Variants in GPM6A observed in about 807,000 individuals in gnomAD.
GPM6A encodes the protein glycoprotein M6A.
Under a neutral mutation model 32.1 loss-of-function variants are expected in GPM6A, and 7 were observed. That is an observed-to-expected ratio of 0.22 (90% confidence interval 0.12 to 0.41). The LOEUF is 0.41. Among genes scored for constraint, GPM6A ranks in the 10% least tolerant of loss-of-function variants. The pLI is 1.00. For missense variants in GPM6A, 235 were observed against 347.2 expected (o/e 0.68, Z 2.57); for synonymous variants, 130 against 123.4 (o/e 1.05, Z -0.35).
At chr4:175,758,277 C>A (rs1732607979) in intron 1 of GPM6A, among the ~76,000 whole-genome samples, 1 of 152,080 alleles carries the variant, frequency 6.6e-6, no homozygotes, top group Admixed American at 6.6e-5. Flanking sequence ...TTGTTTATTC[C>A]ATTTCTTTTT....
chr4:175,786,022 C>A (rs1197252604), intron 1 of GPM6A, among the ~76,000 whole-genome samples: 1 of 152,138 alleles, frequency 6.6e-6, no homozygotes, highest in African/African-American at 2.4e-5. Flanking sequence ...GAGAGCATCG[C>A]ATAAACCTAT....
intron 1 of GPM6A, among the ~76,000 whole-genome samples, chr4:175,848,204 A>G (rs1736148650): frequency 6.6e-6 from 1 of 152,178 alleles, no homozygotes; most frequent in Non-Finnish European, 1.5e-5. Flanking sequence ...TTTCTTGAAC[A>G]TTTGCAATAA....
intron 1 of GPM6A, among the ~76,000 whole-genome samples, chr4:175,832,948 C>T (rs1735659773): frequency 6.6e-6 from 1 of 152,134 alleles, no homozygotes; most frequent in Admixed American, 6.6e-5. Flanking sequence ...ACTGCGAAGC[C>T]ATCATCTCCA....
chr4:175,817,595 C>A (rs77126466), intron 1 of GPM6A, among the ~76,000 whole-genome samples: 1 of 152,088 alleles, frequency 6.6e-6, no homozygotes, highest in Non-Finnish European at 1.5e-5. Context: ...TTTGATCTGA[C>A]CTGATCAAAG....
intron 1 of GPM6A, chr4:175,798,671 A>C (rs770124857): frequency 1.3e-5 from 2 of 152,148 alleles, no homozygotes; most frequent in Non-Finnish European, 2.9e-5. Flanking sequence ...TCTTTTACTG[A>C]CTATCACAGA....
At chr4:175,678,631 A>G (rs999610480) in intron 2 of GPM6A, among the ~76,000 whole-genome samples, 4 of 152,168 alleles carry the variant, frequency 2.6e-5, no homozygotes, top group African/African-American at 9.7e-5. Context: ...CTGAAAGTCT[A>G]AATATTGCAG....
intron 1 of GPM6A, among the ~76,000 whole-genome samples, chr4:175,897,128 G>A (rs1333617454): frequency 6.6e-6 from 1 of 152,054 alleles, no homozygotes; most frequent in Non-Finnish European, 1.5e-5. Flanking sequence ...TAGAAGACAG[G>A]GAGACATCCT....
chr4:175,744,676 C>T (rs1006428826), intron 1 of GPM6A, among the ~76,000 whole-genome samples: 4 of 152,004 alleles, frequency 2.6e-5, no homozygotes, highest in Admixed American at 6.5e-5. Flanking sequence ...TGGCACATAC[C>T]GTGTACTCAA....
intron 1 of GPM6A, among the ~76,000 whole-genome samples, chr4:175,925,822 C>A (rs13353616): frequency 0.034 from 5,159 of 150,952 alleles, 322 homozygotes; most frequent in African/African-American, 0.12. Flanking sequence ...GTATTTATAC[C>A]CAGATTCTCT....
chr4:175,728,896 C>G (rs1306744708), intron 1 of GPM6A, among the ~76,000 whole-genome samples: 1 of 152,154 alleles, frequency 6.6e-6, no homozygotes, highest in East Asian at 1.9e-4. Context: ...CACCCCTCAT[C>G]CAGTGACTCA....
intron 1 of GPM6A, among the ~76,000 whole-genome samples, chr4:175,859,280 G>T (rs184701020): frequency 2.2e-4 from 33 of 152,208 alleles, no homozygotes; most frequent in Middle Eastern, 3.4e-3. Flanking sequence ...TAGTCACAAA[G>T]AAATATACTA....
At chr4:175,679,419 T>C (rs1229355608) in intron 2 of GPM6A, among the ~76,000 whole-genome samples, 2 of 152,100 alleles carry the variant, frequency 1.3e-5, no homozygotes, top group Non-Finnish European at 2.9e-5. Flanking sequence ...CATCATCTAG[T>C]TAAGATGATG....
At chr4:176,002,275 T>A in intron 1 of GPM6A, 2 of 1,596,538 alleles carry the variant, frequency 1.3e-6, no homozygotes, top group Middle Eastern at 1.7e-4. Flanking sequence ...GCCGAGCCTT[T>A]GGGCGAGGTG....
chr4:175,746,518 A>T (rs1373267905), intron 1 of GPM6A, among the ~76,000 whole-genome samples: 2 of 152,172 alleles, frequency 1.3e-5, no homozygotes, highest in African/African-American at 4.8e-5. Flanking sequence ...AATCTGCAGC[A>T]AAAAATGGCA....
chr4:175,988,561 G>A (rs1023191676), intron 1 of GPM6A, among the ~76,000 whole-genome samples: 2 of 152,164 alleles, frequency 1.3e-5, no homozygotes, highest in Admixed American at 6.5e-5. Context: ...CAACCAGCAT[G>A]CAGCTAATCA....
At chr4:175,811,859 G>A (rs1734931902) in intron 1 of GPM6A, 1 of 194,510 alleles carries the variant, frequency 5.1e-6, no homozygotes, top group East Asian at 1.2e-4. Context: ...GCTCACACTA[G>A]GGATCCCTTG....
At chr4:175,930,425 T>TGGGGGG (rs138781978) in intron 1 of GPM6A, among the ~76,000 whole-genome samples, 1 of 124,890 alleles carries the variant, frequency 8.0e-6, no homozygotes, top group Non-Finnish European at 1.8e-5. Flanking sequence ...ATCTGTTTTT[T>TGGGGGG]GGGGGGGGGT....
At chr4:175,967,164 T>C (rs1013962636) in intron 1 of GPM6A, among the ~76,000 whole-genome samples, 4 of 152,224 alleles carry the variant, frequency 2.6e-5, no homozygotes, top group Non-Finnish European at 5.9e-5. Context: ...TCAATTAATG[T>C]AATCCATCAC....
At chr4:175,812,873 T>C (rs1361329840), upstream of GPM6A, 5 of 985,142 alleles carry the variant, frequency 5.1e-6, no homozygotes, top group Admixed American at 6.2e-5. Context: ...GTTAATTTGA[T>C]TTAAGGTGCC....
Sources: allele counts gnomAD v4.1 joint callset (sites outside exome capture counted in the v4.1 genomes callset), GRCh38; gene constraint gnomAD v4.1.1; transcripts MANE v1.5; gene names NCBI Gene and HGNC (gene_info 2026-07-23, HGNC 2026-07-21).